Variants in PLXNA2 observed in about 807,000 individuals in gnomAD.
PLXNA2 encodes the protein plexin A2.
In PLXNA2, 91 loss-of-function variants were observed where a neutral mutation model predicts 193.5. That is an observed-to-expected ratio of 0.47 (90% confidence interval 0.40 to 0.56). PLXNA2 has a LOEUF of 0.56. Ranked by LOEUF, PLXNA2 falls within the 20% of genes least tolerant of loss-of-function variation. PLXNA2 has a pLI of 0.00. For missense variants in PLXNA2, 1,995 were observed against 2,503.2 expected (o/e 0.80, Z 4.33); for synonymous variants, 997 against 1,027.3 (o/e 0.97, Z 0.56).
chr1:208,060,365 G>A (rs1454059751), intron 13 of PLXNA2, among the ~76,000 whole-genome samples: 1 of 152,206 alleles, frequency 6.6e-6, no homozygotes, highest in Non-Finnish European at 1.5e-5. Context: ...TTCCAATGGG[G>A]GCTGACAGGG....
chr1:208,120,825 T>G (rs2102448816), intron 4 of PLXNA2, among the ~76,000 whole-genome samples: 1 of 151,700 alleles, frequency 6.6e-6, no homozygotes, highest in East Asian at 1.9e-4. Context: ...TGAGGGGAGG[T>G]CAGAGGGTGC....
intron 8 of PLXNA2, among the ~76,000 whole-genome samples, chr1:208,094,611 G>T (rs761729707): frequency 2.6e-5 from 4 of 152,194 alleles, no homozygotes; most frequent in Non-Finnish European, 4.4e-5. Context: ...AAGTTCTGTT[G>T]CCCAGATGCT....
chr1:208,118,880 A>G (rs1225069384), intron 4 of PLXNA2, among the ~76,000 whole-genome samples: 19 of 152,054 alleles, frequency 1.2e-4, no homozygotes, highest in Non-Finnish European at 1.9e-4. Context: ...ATAATTTTGG[A>G]GTCATAACTG....
rs1471292423 is a variant in PLXNA2, at chr1:208,023,220, C to G, written c.*4023G>C. ...GAGCCTCCTGAGTCTCAATTCTTTT[C>G]TCTCTGTGCCCAGGCCCCAGGAGTC... On this transcript the variant is annotated 3_prime_UTR_variant, in exon 32 of 32. Coordinates refer to ENST00000367033, the MANE Select transcript of PLXNA2 (RefSeq NM_025179.4). The G allele has an allele frequency of 6.6e-6, 1 of 152,470 alleles. No individual in the cohort carries two copies. The highest frequency in any genetic ancestry group is 1.5e-5 in the Non-Finnish European group (1 of 68,044). The allele number at this position is 152,470 out of a possible 1,614,324, so 9.4% of individuals were successfully genotyped here.
intron 12 of PLXNA2, among the ~76,000 whole-genome samples, chr1:208,074,327 G>A (rs931700766): frequency 1.2e-4 from 19 of 152,204 alleles, no homozygotes; most frequent in East Asian, 5.8e-4. Flanking sequence ...TCCTCTGCAC[G>A]TCTCCTGTTC....
chr1:208,153,183 G>A (rs1048125102), intron 3 of PLXNA2, among the ~76,000 whole-genome samples: 10 of 152,116 alleles, frequency 6.6e-5, no homozygotes, highest in African/African-American at 9.7e-5. Flanking sequence ...GGCTCACATT[G>A]ACTGAACTCC....
At chr1:208,096,358 T>C (rs1422582961) in intron 7 of PLXNA2, among the ~76,000 whole-genome samples, 1 of 152,218 alleles carries the variant, frequency 6.6e-6, no homozygotes, top group African/African-American at 2.4e-5. Context: ...AAGAAGCAGA[T>C]TCCACGGAGC....
chr1:208,115,623 A>G (rs1174518805), intron 4 of PLXNA2, among the ~76,000 whole-genome samples: 1 of 152,212 alleles, frequency 6.6e-6, no homozygotes, highest in Non-Finnish European at 1.5e-5. Context: ...GCTGATAGTT[A>G]TTATTAATAA....
chr1:208,051,459 G>T (rs766837262), intron 15 of PLXNA2, 36 bp from the exon 16 acceptor site: 1 of 1,585,678 alleles, frequency 6.3e-7, no homozygotes, highest in South Asian at 1.2e-5. Flanking sequence ...GAGAAGAAAG[G>T]CATGGGCAAC....
intron 8 of PLXNA2, among the ~76,000 whole-genome samples, chr1:208,095,800 T>C (rs975393254): frequency 2.0e-5 from 3 of 152,172 alleles, no homozygotes; most frequent in Admixed American, 6.5e-5. Context: ...GTTAGGTGTG[T>C]TGGGGTGGCA....
At chr1:208,215,944 A>G (rs974908013) in intron 2 of PLXNA2, among the ~76,000 whole-genome samples, 3 of 151,910 alleles carry the variant, frequency 2.0e-5, no homozygotes, top group Admixed American at 6.6e-5. Flanking sequence ...CACACTCCTG[A>G]TTCTTCTCCA....
intron 4 of PLXNA2, 121 bp downstream of exon 4, chr1:208,142,208 A>C: frequency 8.9e-7 from 1 of 1,118,740 alleles, no homozygotes; most frequent in South Asian, 1.9e-5. Context: ...GCCTCTCTCA[A>C]GACCCCTGTG....
chr1:208,225,409 C>A lies in PLXNA2; in HGVS notation c.-80-7407G>T, dbSNP rs143208824. Among the ~76,000 whole-genome samples the A allele has an allele frequency of 2.7e-3, 416 of 152,272 alleles. 1 individual carries two copies. The highest frequency in any genetic ancestry group is 9.6e-3 in the African/African-American group (397 of 41,552). On this transcript the variant is annotated intron_variant, in intron 1 of 31. Coordinates refer to ENST00000367033, the MANE Select transcript of PLXNA2 (RefSeq NM_025179.4). The stretch of plus-strand genomic sequence containing the variant: ...CCTCCATCTCCTGGACTCAAACCAT[C>A]CTCCCACATCAGCCCTAGGAACCAC...
intron 3 of PLXNA2, among the ~76,000 whole-genome samples, chr1:208,146,745 C>A (rs577603254): frequency 6.6e-6 from 1 of 152,140 alleles, no homozygotes; most frequent in Non-Finnish European, 1.5e-5. Context: ...CCCTTGCATG[C>A]GGTGCAACAC....
At position 208,217,931 on chromosome 1, in the gene PLXNA2, G is replaced by C; in HGVS notation, c.-9C>G. The C allele has an allele frequency of 6.2e-7, 1 of 1,606,330 alleles. No individual in the cohort carries two copies. The highest frequency in any genetic ancestry group is 1.1e-5 in the South Asian group (1 of 91,038). On this transcript the variant is annotated 5_prime_UTR_variant, in exon 2 of 32. Coordinates refer to ENST00000367033, the MANE Select transcript of PLXNA2 (RefSeq NM_025179.4). This position sits in a 1 kb window ranked among gnomAD's most constrained non-coding sequence, Gnocchi z 4.7. ...GGCCGCCTCTGTTCCATGCTGAGAG[G>C]GGCGGCGGTGAGGAGACGGCTCCTG...
intron 12 of PLXNA2, among the ~76,000 whole-genome samples, chr1:208,069,931 A>C (rs376512571): frequency 6.6e-5 from 10 of 152,352 alleles, no homozygotes; most frequent in African/African-American, 2.2e-4. Context: ...TAAGCGCTCA[A>C]AACAAGCTGT....
At chr1:208,080,278 A>C (rs922925670) in intron 11 of PLXNA2, among the ~76,000 whole-genome samples, 1 of 152,170 alleles carries the variant, frequency 6.6e-6, no homozygotes, top group Non-Finnish European at 1.5e-5. Flanking sequence ...GAGAGGGCAA[A>C]CTGGCTATTT....
chr1:208,171,824 C>A (rs1410912012), intron 3 of PLXNA2, among the ~76,000 whole-genome samples: 2 of 151,886 alleles, frequency 1.3e-5, no homozygotes, highest in Non-Finnish European at 2.9e-5. Context: ...TCACTGCATG[C>A]CAGCCTGAGT....
chr1:208,181,172 G>T (rs1047697157), intron 3 of PLXNA2, among the ~76,000 whole-genome samples: 3 of 152,208 alleles, frequency 2.0e-5, no homozygotes, highest in African/African-American at 7.2e-5. Context: ...CTTCATGCTG[G>T]CTGGGGCCCT....
Sources: gnomAD v4.1 joint callset for allele counts (sites outside exome capture counted in the v4.1 genomes callset) on GRCh38, gnomAD v4.1.1 for gene constraint, Gnocchi (gnomAD v3.1) non-coding constraint, MANE v1.5 for transcripts, NCBI Gene and HGNC (gene_info 2026-07-23, HGNC 2026-07-21) for gene names.